The following GIT2 variants were observed in gnomAD, a reference collection of about 807,000 sequenced individuals.
GIT2 encodes ARF GTPase-activating protein GIT2.
A neutral mutation model predicts 100.3 loss-of-function variants in GIT2; 32 were observed. The observed-to-expected ratio is 0.32, with a 90% CI of 0.24 to 0.43. The LOEUF (loss-of-function observed/expected upper bound fraction) is 0.43, where lower values mean the gene tolerates loss of function less well. GIT2 is among the 20% of genes least tolerant of loss of function. GIT2 has a pLI of 1.00. For synonymous variants in GIT2, 353 were observed against 364.1 expected (o/e 0.97, Z 0.35); for missense variants, 737 against 975.1 (o/e 0.76, Z 3.25).
In GIT2 at chr12:109,934,051, C is replaced by T; in HGVS notation, c.2038G>A (p.Val680Ile). 1 of 1,576,098 alleles carries T rather than the reference C, an allele frequency of 6.3e-7. No homozygotes were observed. Among genetic ancestry groups the T allele is most frequent in the Non-Finnish European group, 8.7e-7 (1 of 1,145,440 alleles). Residue 680 changes from valine to isoleucine, a missense_variant, in exon 19 of 20, where the codon GTT becomes ATT. Transcript: ENST00000355312. The surrounding 1 kb of genome is among the most constrained non-coding windows in gnomAD (Gnocchi z 4.5). Reference protein sequence around the residue: ...IPCSERIHVAVTEMAALFPKK... With the variant: ...IPCSERIHVAITEMAALFPKK... ...GGGAATAATGCTGCCATTTCTGTAA[C>T]AGCTACGTGTATCCTCTCTGAGCAG...
chr12:109,956,890 C>T (rs1247468515), intron 12 of GIT2, among the ~76,000 whole-genome samples: 11 of 151,846 alleles, frequency 7.2e-5, no homozygotes, highest in African/African-American at 2.4e-4. Context: ...TGGTGGTGCA[C>T]ACCTGTAATC....
At chr12:109,945,951 A>G (rs914814437) in intron 15 of GIT2, among the ~76,000 whole-genome samples, 2 of 152,076 alleles carry the variant, frequency 1.3e-5, no homozygotes, top group Admixed American at 1.3e-4. Flanking sequence ...CCTGGGCAAC[A>G]TGATGAAACC....
intron 7 of GIT2, among the ~76,000 whole-genome samples, chr12:109,975,790 T>A (rs1397876844): frequency 1.4e-5 from 2 of 142,440 alleles, no homozygotes; most frequent in East Asian, 2.0e-4. Flanking sequence ...TTTTTTTTTT[T>A]AGATGGAGTC....
At chr12:109,936,268 A>T (rs1490365274) in intron 18 of GIT2, among the ~76,000 whole-genome samples, 1 of 152,114 alleles carries the variant, frequency 6.6e-6, no homozygotes, top group African/African-American at 2.4e-5. Context: ...CTTAAAAAAA[A>T]AAAAAAGGAA....
chr12:109,955,745 G>A (rs1266865688), intron 12 of GIT2, among the ~76,000 whole-genome samples: 7 of 151,464 alleles, frequency 4.6e-5, no homozygotes, highest in African/African-American at 1.2e-4. Context: ...ACAGGGTCTC[G>A]CTATGTCACC....
chr12:109,999,757 G>A (rs1433431086), upstream of GIT2: 1 of 1,531,354 alleles, frequency 6.5e-7, no homozygotes, highest in African/African-American at 1.4e-5. This position sits in a 1 kb window ranked among gnomAD's most constrained non-coding sequence, Gnocchi z 4.3. Flanking sequence ...ACGACTACCG[G>A]CAGCTCGAGA....
At chr12:109,986,991 A>T (rs1887529246) in intron 4 of GIT2, among the ~76,000 whole-genome samples, 1 of 151,964 alleles carries the variant, frequency 6.6e-6, no homozygotes, top group Non-Finnish European at 1.5e-5. Flanking sequence ...AAATAAAAAT[A>T]AAAAAATTAA....
At position 109,947,621 on chromosome 12, in the gene GIT2, G is replaced by T; in HGVS notation, c.1393-117C>A. ...ACAATAAGGACAGTAACAGCTAGCC[G>T]GGCTGAAAGTAAAAAGCCAATACAA... is the stretch of plus-strand genomic sequence containing the variant. On this transcript the variant is annotated intron_variant, in intron 14 of 19. Coordinates refer to ENST00000355312, the MANE Select transcript of GIT2 (RefSeq NM_057169.5). This position sits in a 1 kb window ranked among gnomAD's most constrained non-coding sequence, Gnocchi z 4.3. 1.1e-6 allele frequency: 1 copy of T among 939,216 alleles called. No individual in the cohort carries two copies. The highest frequency in any genetic ancestry group is 1.6e-6 in the Non-Finnish European group (1 of 617,406). The allele number at this position is 939,216 out of a possible 1,614,324, so 58.2% of individuals were successfully genotyped here.
At chr12:109,984,079 C>T (rs1334872498) in intron 4 of GIT2, among the ~76,000 whole-genome samples, 2 of 152,090 alleles carry the variant, frequency 1.3e-5, no homozygotes, top group Admixed American at 6.6e-5. Flanking sequence ...GGAGAAAGGG[C>T]TTTAAGCAAT....
At chr12:109,997,698 A>C (rs1889645323), upstream of GIT2, 1 of 152,212 alleles carries the variant, frequency 6.6e-6, no homozygotes, top group African/African-American at 2.4e-5. Context: ...AATGTGATAC[A>C]CCTGCTGGAT....
At chr12:109,992,297 C>A (rs896418140) in intron 1 of GIT2, among the ~76,000 whole-genome samples, 1 of 151,706 alleles carries the variant, frequency 6.6e-6, no homozygotes, top group African/African-American at 2.4e-5. Context: ...CAGGCATGCA[C>A]CACCACGCCC....
chr12:109,953,278 G>A (rs866561101), intron 12 of GIT2, 44 bp from the exon 13 acceptor site: 1 of 1,595,912 alleles, frequency 6.3e-7, no homozygotes, highest in South Asian at 1.1e-5. Context: ...TTAAAACATT[G>A]CTTTTCTTCC....
Position 109,961,595 on chromosome 12 carries a change from A to G in GIT2, c.889+18T>C. 1 of 1,534,186 alleles carries G rather than the reference A, an allele frequency of 6.5e-7. No homozygotes were observed. Among genetic ancestry groups the G allele is most frequent in the Non-Finnish European group, 9.0e-7 (1 of 1,107,452 alleles). On this transcript the variant is annotated intron_variant, in intron 10 of 19. Transcript: ENST00000355312. ...CACTGATAACAGAAGCTTATTAGAT[A>G]AAGCCACGTCAAGTCACCTGCATCC...
rs538762128 is a variant in GIT2 at position 109,968,125 on chromosome 12, T to C, written c.719-622A>G. ...AATGCTGGGTTATATGGTAAATGTA[T>C]GTTTAACTTGGTAAGAAACTGCCAG... On this transcript the variant is annotated intron_variant, in intron 7 of 19. Transcript: ENST00000355312. 5.3e-5 allele frequency among the ~76,000 whole-genome samples: 8 copies of C among 152,380 alleles called. No homozygotes were observed. The South Asian group carries it at 1.2e-3, about 24-fold the overall frequency.
intron 9 of GIT2, among the ~76,000 whole-genome samples, chr12:109,964,488 T>G (rs1191574291): frequency 6.6e-6 from 1 of 152,110 alleles, no homozygotes. Flanking sequence ...AGCCGCTACC[T>G]ACACTGGTCA....
chr12:109,934,804 A>G lies in GIT2; in HGVS notation c.2004-719T>C, dbSNP rs911387693. Among the ~76,000 whole-genome samples the G allele has an allele frequency of 1.9e-4, 29 of 152,232 alleles. No individual in the cohort carries two copies. The highest frequency in any genetic ancestry group is 6.7e-4 in the African/African-American group (28 of 41,568). ...ATAATTAAAACTGTCGGCCGGGCGC[A>G]GTGGCTCACGCCTGTAATCCCAGCA... On this transcript the variant is annotated intron_variant, in intron 18 of 19. Transcript: ENST00000355312. The surrounding 1 kb of genome is among the most constrained non-coding windows in gnomAD (Gnocchi z 4.5).
Position 109,953,203 on chromosome 12 carries a change from A to G in GIT2, c.1131T>C (p.Asn377=). 6.2e-7 allele frequency: 1 copy of G among 1,614,002 alleles called. No individual in the cohort carries two copies. The highest frequency in any genetic ancestry group is 1.7e-5 in the Admixed American group (1 of 60,022). ...CTTGACTCTCAACGCTGTGCTGGTT[A>G]TTGATGGTTTTCAGTATGAGCTCCA... is the stretch of plus-strand genomic sequence containing the variant. The part of the protein sequence containing the change: ...DNVELILKTI[N]NQHSVESQDN... The change falls in exon 13 of 20, where the codon AAT becomes AAC. Residue 377 remains asparagine, a synonymous_variant. Coordinates refer to ENST00000355312, the MANE Select transcript of GIT2 (RefSeq NM_057169.5).
chr12:109,991,612 A>G lies in GIT2; in HGVS notation c.186+15T>C, dbSNP rs199913282. ...ATGTAAATTACCAACTGTCAGGAGA[A>G]TTCTTATCCTTTACCTGAAGCAGTG... On this transcript the variant is annotated intron_variant, in intron 2 of 19. Transcript: ENST00000355312. 6.2e-5 allele frequency: 99 copies of G among 1,604,126 alleles called. No individual in the cohort carries two copies. Among genetic ancestry groups the G allele is most frequent in the Non-Finnish European group, 7.8e-5 (92 of 1,173,008 alleles).
chr12:109,983,451 T>G lies in GIT2; in HGVS notation c.545A>C (p.Gln182Pro). The stretch of plus-strand genomic sequence containing the variant: ...TCCATATACTGCCAATAATTCAGCC[T>G]GTAAAATCTGCCCTGCTTTGGAGGC... ...HVASKAGQIL[Q>P]AELLAVYGAD... is the part of the protein sequence containing the mutation. Residue 182 changes from glutamine (Q) to proline (P), a missense_variant, in exon 6 of 20, where the codon CAG becomes CCG. Around this residue, in one of 3 missense-constraint regions of GIT2, gnomAD observed 266 missense variants for 376.2 expected, o/e 0.71. Coordinates refer to ENST00000355312, the MANE Select transcript of GIT2 (RefSeq NM_057169.5). The G allele has an allele frequency of 6.2e-7, 1 of 1,613,432 alleles. No homozygotes were observed. Among genetic ancestry groups the G allele is most frequent in the Non-Finnish European group, 8.5e-7 (1 of 1,179,316 alleles).
Sources: allele counts gnomAD v4.1 joint callset (sites outside exome capture counted in the v4.1 genomes callset), GRCh38; gene constraint gnomAD v4.1.1; regional missense constraint gnomAD v4.1.1; non-coding constraint Gnocchi (gnomAD v3.1); transcripts MANE v1.5; gene names NCBI Gene and HGNC (gene_info 2026-07-23, HGNC 2026-07-21).